The following DGKB variants were observed in gnomAD, a reference collection of about 807,000 sequenced individuals.
DGKB encodes diacylglycerol kinase beta.
A neutral mutation model predicts 114.3 loss-of-function variants in DGKB; 67 were observed. The observed-to-expected ratio is 0.59, with a 90% CI of 0.48 to 0.72. DGKB has a LOEUF of 0.72. DGKB is among the 30% of genes least tolerant of loss of function. The probability of loss-of-function intolerance (pLI) is 0.00; values close to 1 mark genes in which losing one functional copy is unlikely to be tolerated. For synonymous variants in DGKB, 398 were observed against 323.1 expected (o/e 1.23, Z -2.49); for missense variants, 907 against 975.2 (o/e 0.93, Z 0.93).
intron 23 of DGKB, among the ~76,000 whole-genome samples, chr7:14,253,898 G>T (rs1482886194): frequency 6.6e-6 from 1 of 152,116 alleles, no homozygotes; most frequent in African/African-American, 2.4e-5. Flanking sequence ...ATATTAAAAT[G>T]AATGATAGTT....
At chr7:14,441,225 G>T (rs1453737441) in intron 21 of DGKB, among the ~76,000 whole-genome samples, 1 of 151,950 alleles carries the variant, frequency 6.6e-6, no homozygotes, top group Non-Finnish European at 1.5e-5. Flanking sequence ...GGCTAGGCTG[G>T]TCTTGAACTG....
intron 2 of DGKB, among the ~76,000 whole-genome samples, chr7:14,806,836 A>G (rs1586641295): frequency 1.3e-5 from 2 of 152,076 alleles, no homozygotes; most frequent in East Asian, 3.9e-4. Flanking sequence ...TTACAGGGCA[A>G]CAGGGATAAA....
At chr7:14,402,117 A>G (rs149725924) in intron 21 of DGKB, among the ~76,000 whole-genome samples, 1 of 151,782 alleles carries the variant, frequency 6.6e-6, no homozygotes, top group African/African-American at 2.4e-5. Flanking sequence ...ATTTATTTCT[A>G]TATATAGAAA....
chr7:14,401,487 C>G (rs150967847), intron 21 of DGKB, among the ~76,000 whole-genome samples: 61 of 151,978 alleles, frequency 4.0e-4, no homozygotes, highest in African/African-American at 1.3e-3. Flanking sequence ...GGCTCTATAT[C>G]CCATTAACAC....
chr7:14,722,667 C>A (rs771767835), intron 5 of DGKB, among the ~76,000 whole-genome samples: 1 of 152,026 alleles, frequency 6.6e-6, no homozygotes, highest in Non-Finnish European at 1.5e-5. Flanking sequence ...CAAAAATTAG[C>A]TGGGCGCGGT....
chr7:14,607,516 G>C lies in DGKB; in HGVS notation c.1359-8C>G, dbSNP rs1428107800. 1.4e-6 allele frequency: 2 copies of C among 1,451,688 alleles called. No individual in the cohort carries two copies. Among genetic ancestry groups the C allele is most frequent in the South Asian group, 2.4e-5 (2 of 84,514 alleles). The allele number at this position is 1,451,688 out of a possible 1,614,324, so 89.9% of individuals were successfully genotyped here. ...TGGAATTTTCTGTAAATTCTATAAA[G>C]GTGAAAATGTGGGGAAAAAATTTAA... is the stretch of plus-strand genomic sequence containing the variant. On this transcript the variant is annotated splice_region_variant and splice_polypyrimidine_tract_variant and intron_variant, in intron 16 of 25. Transcript: ENST00000402815.
chr7:14,175,354 C>T (rs887201462), intron 25 of DGKB, among the ~76,000 whole-genome samples: 5 of 152,192 alleles, frequency 3.3e-5, no homozygotes, highest in Non-Finnish European at 4.4e-5. Context: ...ATCAGTTTCT[C>T]TCCAAATTTT....
intron 20 of DGKB, among the ~76,000 whole-genome samples, chr7:14,567,063 C>T (rs1347747734): frequency 8.4e-6 from 1 of 119,430 alleles, no homozygotes; most frequent in Non-Finnish European, 1.6e-5. Flanking sequence ...AATGAGATGA[C>T]CTGTATATAT....
chr7:14,422,755 G>C (rs1826911277), intron 21 of DGKB, among the ~76,000 whole-genome samples: 1 of 151,988 alleles, frequency 6.6e-6, no homozygotes, highest in African/African-American at 2.4e-5. Flanking sequence ...GTGGAAGGTA[G>C]AATAGTGAAT....
At chr7:14,270,439 T>A (rs1798115099) in intron 23 of DGKB, among the ~76,000 whole-genome samples, 1 of 152,218 alleles carries the variant, frequency 6.6e-6, no homozygotes, top group Non-Finnish European at 1.5e-5. Flanking sequence ...TGGGTCAGGG[T>A]CCCTCTTATC....
chr7:14,677,601 ATCCTGGTGAG>A (rs1282284070), intron 12 of DGKB, among the ~76,000 whole-genome samples: 1 of 152,014 alleles, frequency 6.6e-6, no homozygotes, highest in East Asian at 1.9e-4. Flanking sequence ...TCAACTTCCC[ATCCTGGTGAG>A]TCCTGCCTGA....
intron 25 of DGKB, among the ~76,000 whole-genome samples, chr7:14,173,680 A>C (rs1355936994): frequency 1.3e-5 from 2 of 152,214 alleles, no homozygotes; most frequent in Non-Finnish European, 2.9e-5. Context: ...AAAACGCTCC[A>C]TAGTTAACCA....
intron 1 of DGKB, among the ~76,000 whole-genome samples, chr7:14,912,027 C>G (rs1587366170): frequency 6.6e-6 from 1 of 152,174 alleles, no homozygotes; most frequent in African/African-American, 2.4e-5. Context: ...TTTGCTTCTA[C>G]TCAGTGTCCT....
At chr7:14,759,445 A>G (rs1835373391) in intron 2 of DGKB, among the ~76,000 whole-genome samples, 1 of 152,148 alleles carries the variant, frequency 6.6e-6, no homozygotes, top group Non-Finnish European at 1.5e-5. Context: ...GGCTATCATT[A>G]GCCTATTTTC....
At chr7:14,328,493 G>A (rs868485663) in intron 23 of DGKB, among the ~76,000 whole-genome samples, 14 of 151,906 alleles carry the variant, frequency 9.2e-5, no homozygotes, top group African/African-American at 3.4e-4. Flanking sequence ...ATGAACAGCT[G>A]CTCAGGGAAA....
intron 21 of DGKB, among the ~76,000 whole-genome samples, chr7:14,476,152 A>T (rs982743974): frequency 6.6e-6 from 1 of 151,870 alleles, no homozygotes; most frequent in Non-Finnish European, 1.5e-5. Context: ...ATATAACTTA[A>T]ATAATATATA....
At chr7:14,948,536 A>G (rs974455898) in intron 1 of DGKB, among the ~76,000 whole-genome samples, 1 of 151,916 alleles carries the variant, frequency 6.6e-6, no homozygotes, top group African/African-American at 2.4e-5. Context: ...ATACTAAAAA[A>G]TAGATCTTCC....
chr7:14,452,298 T>A (rs183736256), intron 21 of DGKB, among the ~76,000 whole-genome samples: 274 of 152,220 alleles, frequency 1.8e-3, no homozygotes, highest in Middle Eastern at 6.8e-3. Context: ...TTTCTCAGAA[T>A]GTAAAACAAC....
intron 21 of DGKB, among the ~76,000 whole-genome samples, chr7:14,398,599 A>G (rs1822600094): frequency 6.6e-6 from 1 of 152,010 alleles, no homozygotes; most frequent in African/African-American, 2.4e-5. Flanking sequence ...CTCTTCCAAA[A>G]TGAGCAAATC....
Sources: allele counts gnomAD v4.1 joint callset (sites outside exome capture counted in the v4.1 genomes callset), GRCh38; gene constraint gnomAD v4.1.1; transcripts MANE v1.5; gene names NCBI Gene and HGNC (gene_info 2026-07-23, HGNC 2026-07-21).